Variants in KALRN observed in about 807,000 individuals in gnomAD.
The protein encoded by KALRN is kalirin.
A neutral mutation model predicts 353.7 loss-of-function variants in KALRN; 70 were observed. The ratio of observed to expected loss-of-function variants is 0.20; its 90% CI spans 0.16 to 0.24. The LOEUF is 0.24. Among genes scored for constraint, KALRN ranks in the 10% least tolerant of loss-of-function variants. The probability of loss-of-function intolerance (pLI) is 1.00; values close to 1 mark genes in which losing one functional copy is unlikely to be tolerated. For synonymous variants in KALRN, 1,391 were observed against 1,434.8 expected (o/e 0.97, Z 0.69); for missense variants, 2,791 against 3,756.7 (o/e 0.74, Z 6.72).
At chr3:124,696,963 C>T (rs780031210) in intron 54 of KALRN, among the ~76,000 whole-genome samples, 1 of 152,158 alleles carries the variant, frequency 6.6e-6, no homozygotes, top group Non-Finnish European at 1.5e-5. Flanking sequence ...CTCTGTCGCT[C>T]AGGCTGGAGT....
intron 34 of KALRN, among the ~76,000 whole-genome samples, chr3:124,580,949 A>ATAATAATAG (rs200886237): frequency 0.011 from 1,674 of 150,360 alleles, 37 homozygotes; most frequent in African/African-American, 0.036. Flanking sequence ...CTCTATTAAA[A>ATAATAATAG]TAATAATAAT....
At chr3:124,630,153 G>A (rs1046496859) in intron 34 of KALRN, among the ~76,000 whole-genome samples, 11 of 152,172 alleles carry the variant, frequency 7.2e-5, no homozygotes, top group Admixed American at 2.0e-4. Context: ...GATCTCCTCC[G>A]AGTTTAATGA....
chr3:124,039,775 T>A (rs1222611713), intron 1 of KALRN, among the ~76,000 whole-genome samples: 1 of 151,880 alleles, frequency 6.6e-6, no homozygotes, highest in Non-Finnish European at 1.5e-5. Flanking sequence ...AAGGAAAACA[T>A]CTCTTTTTTT....
At chr3:124,168,989 G>A (rs2071315436) in intron 1 of KALRN, among the ~76,000 whole-genome samples, 1 of 152,220 alleles carries the variant, frequency 6.6e-6, no homozygotes. Flanking sequence ...ACAACTCTAA[G>A]TGTTGACTCT....
intron 34 of KALRN, among the ~76,000 whole-genome samples, chr3:124,616,610 G>A (rs765502584): frequency 6.6e-6 from 1 of 152,064 alleles, no homozygotes; most frequent in Non-Finnish European, 1.5e-5. Context: ...CAGAAGTCTT[G>A]CAGTAAAGAA....
At chr3:124,339,269 AG>A (rs1194561237) in intron 9 of KALRN, among the ~76,000 whole-genome samples, 2 of 151,952 alleles carry the variant, frequency 1.3e-5, no homozygotes, top group East Asian at 3.9e-4. Context: ...GCCCAGGGTT[AG>A]GGGCAGCTGA....
At chr3:124,045,761 G>C (rs1316900479) in intron 1 of KALRN, among the ~76,000 whole-genome samples, 1 of 137,952 alleles carries the variant, frequency 7.2e-6, no homozygotes, top group East Asian at 2.2e-4. Context: ...GGGGGGGGGG[G>C]GTTGCCTGAT....
chr3:124,393,874 C>T (rs532167747), intron 11 of KALRN, among the ~76,000 whole-genome samples: 1 of 152,288 alleles, frequency 6.6e-6, no homozygotes, highest in African/African-American at 2.4e-5. Context: ...ATCTAAGGAA[C>T]AAAGAATAAC....
chr3:124,591,802 C>T (rs2075802987), intron 34 of KALRN, among the ~76,000 whole-genome samples: 1 of 152,200 alleles, frequency 6.6e-6, no homozygotes, highest in Non-Finnish European at 1.5e-5. Flanking sequence ...AATGTAAGTT[C>T]CAAAGCAATT....
chr3:124,524,976 G>T (rs1293615239), intron 33 of KALRN, among the ~76,000 whole-genome samples: 1 of 152,196 alleles, frequency 6.6e-6, no homozygotes, highest in East Asian at 1.9e-4. Context: ...CTCTTTTTTA[G>T]ATTGGGCTTC....
At chr3:124,378,960 A>G (rs1157141109) in intron 10 of KALRN, among the ~76,000 whole-genome samples, 3 of 151,678 alleles carry the variant, frequency 2.0e-5, no homozygotes, top group African/African-American at 2.4e-5. Context: ...TTTTTGTTAT[A>G]TTTGAAAACT....
intron 6 of KALRN, among the ~76,000 whole-genome samples, chr3:124,318,221 C>G (rs1017235726): frequency 2.6e-5 from 4 of 152,186 alleles, no homozygotes; most frequent in Admixed American, 1.3e-4. Flanking sequence ...CCTTTTCTGT[C>G]TCCATCCGGC....
chr3:124,254,656 C>T (rs1264060565), intron 3 of KALRN, among the ~76,000 whole-genome samples: 3 of 152,084 alleles, frequency 2.0e-5, no homozygotes, highest in Non-Finnish European at 2.9e-5. Flanking sequence ...CTCATGTGTT[C>T]GGTAAGTTAG....
intron 51 of KALRN, among the ~76,000 whole-genome samples, chr3:124,686,465 T>C (rs999837077): frequency 3.3e-5 from 5 of 152,154 alleles, no homozygotes; most frequent in Non-Finnish European, 5.9e-5. Flanking sequence ...CAGCAGTGTG[T>C]GGGTTGGATG....
intron 3 of KALRN, among the ~76,000 whole-genome samples, chr3:124,263,339 A>G (rs946790558): frequency 3.9e-5 from 6 of 152,232 alleles, no homozygotes; most frequent in Admixed American, 6.5e-5. Flanking sequence ...TGCATCTTCC[A>G]TTCCAGTCAG....
chr3:124,409,809 A>G (rs34014639), intron 13 of KALRN, among the ~76,000 whole-genome samples: 3,089 of 152,332 alleles, frequency 0.02, 54 homozygotes, highest in South Asian at 0.053. Flanking sequence ...AACAGAAAAT[A>G]CTTAGGAAAG....
At chr3:124,295,096 A>G (rs939873314) in intron 5 of KALRN, among the ~76,000 whole-genome samples, 5 of 152,244 alleles carry the variant, frequency 3.3e-5, no homozygotes, top group African/African-American at 9.6e-5. Context: ...AGAGATGACT[A>G]TGAACCTTGC....
chr3:124,178,860 C>T (rs2073152322), intron 1 of KALRN, among the ~76,000 whole-genome samples: 1 of 152,216 alleles, frequency 6.6e-6, no homozygotes, highest in Admixed American at 6.5e-5. Flanking sequence ...AGTTCTAGAG[C>T]TTTGGAGGTC....
chr3:124,632,732 A>G lies in KALRN; in HGVS notation c.5466+29A>G, dbSNP rs375267086. The G allele has an allele frequency of 6.3e-5, 101 of 1,599,254 alleles. No homozygotes were observed. In the East Asian group the frequency reaches 8.1e-4, roughly 13 times the overall value. ...CTTACAGGGGGCCCTGGAGTTGTCC[A>G]TCAGGAGGGCCTTCTGACATGTCTC... On this transcript the variant is annotated intron_variant, in intron 35 of 59. Coordinates refer to ENST00000682506, the MANE Select transcript of KALRN (RefSeq NM_001388419.1).
Sources: gnomAD v4.1 joint callset for allele counts (sites outside exome capture counted in the v4.1 genomes callset) on GRCh38, gnomAD v4.1.1 for gene constraint, MANE v1.5 for transcripts, NCBI Gene and HGNC (gene_info 2026-07-23, HGNC 2026-07-21) for gene names.